Variants in CRISP1 observed in about 807,000 individuals in gnomAD.
CRISP1 encodes cysteine-rich secretory protein 1.
CRISP1 carries 44 observed loss-of-function variants against 33.1 expected under a neutral mutation model. The observed-to-expected ratio is 1.33, with a 90% CI of 1.05 to 1.71. The LOEUF is 1.71. Among genes scored for constraint, CRISP1 ranks in the 40% most tolerant of loss-of-function variants. CRISP1 has a pLI of 0.00. For missense variants in CRISP1, 390 were observed against 301.2 expected (o/e 1.29, Z -2.18); for synonymous variants, 103 against 98.7 (o/e 1.04, Z -0.26).
chr6:49,839,268 T>C (rs1770905433), intron 6 of CRISP1, among the ~76,000 whole-genome samples: 2 of 37,790 alleles, frequency 5.3e-5, no homozygotes, highest in African/African-American at 1.1e-4. Context: ...CATCTTCATA[T>C]CTACAAAAAA....
chr6:49,872,375 C>G (rs544830865), intron 1 of CRISP1, among the ~76,000 whole-genome samples: 2 of 151,812 alleles, frequency 1.3e-5, no homozygotes, highest in African/African-American at 4.8e-5. Flanking sequence ...ATGGTAGTTT[C>G]TTTTGCTGTG....
rs1380060836 is a variant in CRISP1, at chr6:49,851,992, TGA to T, written c.195+7_195+8del. 6.2e-7 allele frequency: 1 copy of T among 1,601,266 alleles called. No homozygotes were observed. The highest frequency in any genetic ancestry group is 8.5e-7 in the Non-Finnish European group (1 of 1,176,240). The stretch of plus-strand genomic sequence containing the variant: ...TGCAATCATGGTTGTTGCTATTTTT[TGA>T]TCTTACCATCTTCAGCATGTTGCTG... On this transcript the variant is annotated splice_region_variant and intron_variant, in intron 3 of 7. Coordinates refer to ENST00000335847, the MANE Select transcript of CRISP1 (RefSeq NM_001131.3).
intron 1 of CRISP1, among the ~76,000 whole-genome samples, chr6:49,873,323 A>G (rs1328552042): frequency 6.6e-6 from 1 of 152,112 alleles, no homozygotes; most frequent in African/African-American, 2.4e-5. Context: ...TCGTGAGTAA[A>G]ATTGCAGATC....
chr6:49,866,050 G>A (rs1227988662), intron 1 of CRISP1, among the ~76,000 whole-genome samples: 1 of 152,000 alleles, frequency 6.6e-6, no homozygotes, highest in Non-Finnish European at 1.5e-5. Context: ...TTTGACTATG[G>A]CCCCTTATTA....
chr6:49,858,474 T>C (rs1307305945), intron 1 of CRISP1, among the ~76,000 whole-genome samples: 1 of 152,172 alleles, frequency 6.6e-6, no homozygotes, highest in Non-Finnish European at 1.5e-5. Context: ...TTAATCATGC[T>C]TTTTCACCCA....
Position 49,855,660 on chromosome 6 carries a change from A to C in CRISP1, c.66+1675T>G, listed in dbSNP as rs577514271. On this transcript the variant is annotated intron_variant, in intron 2 of 7. Transcript: ENST00000335847. ...CAACTCTCTATAGTTTTCCTCAAAA[A>C]AACTTTTTGTGTAACATCTACCAGA... is the stretch of plus-strand genomic sequence containing the variant. 1.7e-4 allele frequency among the ~76,000 whole-genome samples: 26 copies of C among 152,300 alleles called. No individual in the cohort carries two copies. The South Asian group carries it at 5.2e-3, about 30-fold the overall frequency.
At chr6:49,853,703 A>G (rs1211848543) in intron 2 of CRISP1, among the ~76,000 whole-genome samples, 2 of 151,916 alleles carry the variant, frequency 1.3e-5, no homozygotes, top group Non-Finnish European at 2.9e-5. Context: ...CATTTTCTCT[A>G]CTAGCCCTCT....
intron 6 of CRISP1, among the ~76,000 whole-genome samples, chr6:49,840,426 G>C (rs774718561): frequency 1.3e-5 from 2 of 152,176 alleles, no homozygotes; most frequent in Admixed American, 6.5e-5. Flanking sequence ...TAAATACAGG[G>C]AAAGACACTT....
At chr6:49,846,481 C>A in intron 5 of CRISP1, 39 bp downstream of exon 5, 1 of 1,592,134 alleles carries the variant, frequency 6.3e-7, no homozygotes, top group Non-Finnish European at 8.6e-7. Flanking sequence ...ACATGCTTAT[C>A]TCTTAAACAA....
chr6:49,838,586 C>T, intron 6 of CRISP1, 61 bp from the exon 7 acceptor site: 1 of 1,304,154 alleles, frequency 7.7e-7, no homozygotes, highest in East Asian at 2.3e-5. Context: ...TAAAACTTTA[C>T]TCACAGTGTA....
intron 5 of CRISP1, among the ~76,000 whole-genome samples, chr6:49,842,915 A>G (rs1771040694): frequency 6.6e-6 from 1 of 152,196 alleles, no homozygotes; most frequent in African/African-American, 2.4e-5. Flanking sequence ...AGCAAATGAA[A>G]GCGAATTTCT....
intron 3 of CRISP1, among the ~76,000 whole-genome samples, chr6:49,848,896 G>A (rs1289317460): frequency 1.3e-5 from 2 of 150,310 alleles, no homozygotes; most frequent in Non-Finnish European, 3.0e-5. Context: ...TAACCTCATG[G>A]CAACTCTACA....
chr6:49,852,267 T>A, intron 2 of CRISP1, 138 bp from the exon 3 acceptor site: 4 of 736,338 alleles, frequency 5.4e-6, no homozygotes, highest in Non-Finnish European at 8.5e-6. Flanking sequence ...TTATAATGTC[T>A]CATTATATTG....
At chr6:49,876,594 C>T (rs1040402931) in intron 1 of CRISP1, among the ~76,000 whole-genome samples, 9 of 151,858 alleles carry the variant, frequency 5.9e-5, no homozygotes, top group Non-Finnish European at 1.3e-4. Context: ...TGTGTGTTCA[C>T]AGCAGCACTA....
upstream of CRISP1, among the ~76,000 whole-genome samples, chr6:49,866,765 G>A (rs369123428): frequency 1.3e-5 from 2 of 152,118 alleles, no homozygotes; most frequent in African/African-American, 4.8e-5. Context: ...ATTCAGCAGA[G>A]CCACAATCAG....
chr6:49,874,592 T>A (rs1241339917), intron 1 of CRISP1, among the ~76,000 whole-genome samples: 1 of 152,018 alleles, frequency 6.6e-6, no homozygotes, highest in Non-Finnish European at 1.5e-5. Context: ...TTGGTAGAGA[T>A]ACAGCAACGA....
At chr6:49,860,886 C>T (rs191892250) in intron 1 of CRISP1, among the ~76,000 whole-genome samples, 16 of 151,820 alleles carry the variant, frequency 1.1e-4, no homozygotes, top group Non-Finnish European at 2.1e-4. Flanking sequence ...AGAGAAGACC[C>T]AAATAAACAA....
intron 1 of CRISP1, among the ~76,000 whole-genome samples, chr6:49,874,295 C>A (rs773582634): frequency 5.9e-5 from 9 of 151,890 alleles, no homozygotes; most frequent in Non-Finnish European, 8.8e-5. Flanking sequence ...AGTACTGATG[C>A]CTAATGCTAT....
chr6:49,849,825 C>T (rs955707255), intron 3 of CRISP1, among the ~76,000 whole-genome samples: 1 of 151,920 alleles, frequency 6.6e-6, no homozygotes, highest in Non-Finnish European at 1.5e-5. Flanking sequence ...AATTAAATAA[C>T]TTATTAGCCT....
Sources: gnomAD v4.1 joint callset for allele counts (sites outside exome capture counted in the v4.1 genomes callset) on GRCh38, gnomAD v4.1.1 for gene constraint, MANE v1.5 for transcripts, NCBI Gene and HGNC (gene_info 2026-07-23, HGNC 2026-07-21) for gene names.